The following BEND2 variants were observed in gnomAD, a reference collection of about 807,000 sequenced individuals.
BEND2 encodes the protein BEN domain-containing protein 2.
In BEND2, 19 loss-of-function variants were observed where a neutral mutation model predicts 43.8. The observed-to-expected ratio is 0.43, with a 90% CI of 0.30 to 0.64. The LOEUF (loss-of-function observed/expected upper bound fraction) is 0.64. Among genes scored for constraint, BEND2 ranks in the 30% least tolerant of loss-of-function variants. The probability of loss-of-function intolerance (pLI) is 0.11; values close to 1 mark genes in which losing one functional copy is unlikely to be tolerated. For synonymous variants in BEND2, 226 were observed against 210.1 expected (o/e 1.08, Z -0.66); for missense variants, 544 against 574.0 (o/e 0.95, Z 0.53).
At chrX:18,209,259 C>T (rs1226787429) in intron 4 of BEND2, among the ~76,000 whole-genome samples, 5 of 110,965 alleles carry the variant, frequency 4.5e-5, no homozygotes, top group African/African-American at 1.6e-4. Flanking sequence ...TTAATAAATC[C>T]AGAAGGAATG....
intron 7 of BEND2, among the ~76,000 whole-genome samples, chrX:18,192,222 T>G (rs1924793662): frequency 8.9e-6 from 1 of 111,969 alleles, no homozygotes; most frequent in Admixed American, 9.5e-5. Flanking sequence ...AATAAAATAT[T>G]TCAAATATTG....
intron 6 of BEND2, among the ~76,000 whole-genome samples, chrX:18,198,471 C>T (rs1925032771): frequency 8.9e-6 from 1 of 111,751 alleles, no homozygotes; most frequent in Non-Finnish European, 1.9e-5. Flanking sequence ...CATCACTGGC[C>T]ATCAGAGAAA....
intron 11 of BEND2, 121 bp from the exon 12 acceptor site, chrX:18,174,379 G>T: frequency 1.7e-6 from 1 of 589,687 alleles, no homozygotes; most frequent in Non-Finnish European, 2.6e-6. Flanking sequence ...TAAAAGGTGG[G>T]CTGAAGCCAT....
rs1925552044 is a variant in BEND2, at chrX:18,212,696, T to C, written c.377-16A>G. On this transcript the variant is annotated splice_polypyrimidine_tract_variant and intron_variant, in intron 3 of 13. Transcript: ENST00000380033. ...CCATGGGCTACTGTGAAGCAATGCA[T>C]TAAAAAGTTATTTCATACACTACTC... The C allele has an allele frequency of 1.9e-6, 2 of 1,071,222 alleles. No homozygotes were observed. Among genetic ancestry groups the C allele is most frequent in the African/African-American group, 3.7e-5 (2 of 54,481 alleles). The allele number at this position is 1,071,222 out of a possible 1,213,427, so 88.3% of individuals were successfully genotyped here.
rs1022630423 is a variant in BEND2, at chrX:18,190,908, G to A, written c.1288+93C>T. The A allele has an allele frequency of 5.3e-6, 4 of 752,925 alleles. No individual in the cohort carries two copies. In the Admixed American group the frequency reaches 1.4e-4, roughly 26 times the overall value. The allele number at this position is 752,925 out of a possible 1,213,427, so 62.0% of individuals were successfully genotyped here. ...ATATTTTTGTAAAATAGTACTATTG[G>A]GGGAAACTGGGTAAAGGTACACAAG... On this transcript the variant is annotated intron_variant, in intron 8 of 13. Coordinates refer to ENST00000380033, the MANE Select transcript of BEND2 (RefSeq NM_153346.5).
At position 18,180,567 on chromosome X, in the gene BEND2, C is replaced by A. The variant is rs780930331; in HGVS notation, c.1372G>T (p.Asp458Tyr). ...GAAGAATCCTGGCCACTGTCACTGTCCAATAAAGTTGAGCGATTCATTGTG... is the reference window on the plus strand; with the variant it reads ...GAAGAATCCTGGCCACTGTCACTGTACAATAAAGTTGAGCGATTCATTGTG... Reference protein sequence around the residue: ...VNTMNRSTLLDSDSGQDSSSS... With the variant: ...VNTMNRSTLLYSDSGQDSSSS... Residue 458 changes from aspartate (D) to tyrosine (Y), a missense_variant, in exon 9 of 14, where the codon GAC becomes TAC. Coordinates refer to ENST00000380033, the MANE Select transcript of BEND2 (RefSeq NM_153346.5). The A allele has an allele frequency of 8.3e-7, 1 of 1,209,830 alleles. No individual in the cohort carries two copies. The highest frequency in any genetic ancestry group is 1.7e-5 in the African/African-American group (1 of 57,732).
chrX:18,170,061 T>C (rs1923928976), intron 13 of BEND2, among the ~76,000 whole-genome samples: 1 of 111,526 alleles, frequency 9.0e-6, no homozygotes, highest in Admixed American at 9.6e-5. Flanking sequence ...TAAGGGAAAT[T>C]GAGTTTAGTT....
chrX:18,209,146 T>C (rs908694552), intron 4 of BEND2, among the ~76,000 whole-genome samples: 7 of 112,098 alleles, frequency 6.2e-5, no homozygotes, highest in African/African-American at 1.9e-4. Context: ...TTATAACTCA[T>C]ACAATGCAAT....
intron 6 of BEND2, among the ~76,000 whole-genome samples, chrX:18,201,396 C>CAAAAAAAAAAAAAAAAA (rs1227049211): frequency 1.9e-4 from 4 of 20,624 alleles, no homozygotes; most frequent in Admixed American, 1.0e-3. Flanking sequence ...AACTCCATCT[C>CAAAAAAAAAAAAAAAAA]AAAAAAAAAA....
Position 18,166,762 on chromosome X carries a change from T to G in BEND2, c.2186-1539A>C, listed in dbSNP as rs187863509. Among the ~76,000 whole-genome samples, 37 of 110,499 alleles carry G rather than the reference T, an allele frequency of 3.3e-4. No individual in the cohort carries two copies. The East Asian group carries it at 8.9e-3, about 27-fold the overall frequency. ...AAAATTAGCCAGGCATGGTGGTGCA[T>G]GCCTGCAGTCCTAGCTACTCGGGAG... On this transcript the variant is annotated intron_variant, in intron 13 of 13. Transcript: ENST00000380033.
At chrX:18,180,466 A>G (rs1924341649) in intron 9 of BEND2, 44 bp downstream of exon 9, 1 of 1,198,402 alleles carries the variant, frequency 8.3e-7, no homozygotes, top group Admixed American at 2.2e-5. Flanking sequence ...GGAAGAATGT[A>G]GCTCAAATAG....
At chrX:18,206,385 A>C (rs1414283617) in intron 4 of BEND2, among the ~76,000 whole-genome samples, 1 of 111,641 alleles carries the variant, frequency 9.0e-6, no homozygotes, top group African/African-American at 3.3e-5. Flanking sequence ...TACCCAGAGA[A>C]AAACAGGAAG....
chrX:18,185,942 A>G (rs1924555929), intron 8 of BEND2, among the ~76,000 whole-genome samples: 1 of 111,561 alleles, frequency 9.0e-6, no homozygotes, highest in Admixed American at 9.5e-5. Context: ...AGATTTCATC[A>G]ACACCAGACC....
intron 8 of BEND2, among the ~76,000 whole-genome samples, chrX:18,188,765 T>A (rs2147407238): frequency 8.9e-6 from 1 of 111,891 alleles, no homozygotes; most frequent in South Asian, 3.7e-4. Flanking sequence ...TACTTCAAAA[T>A]TCATTATACG....
intron 6 of BEND2, among the ~76,000 whole-genome samples, chrX:18,197,381 C>G (rs1924988561): frequency 9.0e-6 from 1 of 111,578 alleles, no homozygotes; most frequent in Non-Finnish European, 1.9e-5. Flanking sequence ...TTGCAGTGAG[C>G]CAAGACCACA....
At chrX:18,206,722 T>C (rs1925346280) in intron 4 of BEND2, among the ~76,000 whole-genome samples, 1 of 110,756 alleles carries the variant, frequency 9.0e-6, no homozygotes, top group South Asian at 3.8e-4. Context: ...GGGACAGATA[T>C]GAGGAGTTGG....
intron 4 of BEND2, among the ~76,000 whole-genome samples, 160 bp from the exon 5 acceptor site, chrX:18,204,075 C>T (rs187208278): frequency 6.2e-5 from 7 of 112,314 alleles, no homozygotes; most frequent in Non-Finnish European, 5.6e-5. Flanking sequence ...TAAAATGAGG[C>T]TTAAAAAGTT....
intron 6 of BEND2, among the ~76,000 whole-genome samples, chrX:18,197,172 C>T (rs1296149437): frequency 2.7e-5 from 3 of 112,247 alleles, no homozygotes; most frequent in Non-Finnish European, 3.8e-5. Context: ...CGGTGGCTCA[C>T]GCCTATAATC....
intron 8 of BEND2, among the ~76,000 whole-genome samples, chrX:18,180,936 G>A (rs1001142962): frequency 3.6e-4 from 40 of 110,029 alleles, no homozygotes; most frequent in African/African-American, 1.3e-3. Flanking sequence ...CACCATACCT[G>A]GCTAATTTTT....
Sources: gnomAD v4.1 joint callset for allele counts (sites outside exome capture counted in the v4.1 genomes callset) on GRCh38, gnomAD v4.1.1 for gene constraint, MANE v1.5 for transcripts, NCBI Gene and HGNC (gene_info 2026-07-23, HGNC 2026-07-21) for gene names.